The following ARHGEF28 variants were observed in gnomAD, a reference collection of about 807,000 sequenced individuals.
ARHGEF28 encodes the protein Rho guanine nucleotide exchange factor 28, also known as 190 kDa guanine nucleotide exchange factor.
Under a neutral mutation model 206.6 loss-of-function variants are expected in ARHGEF28, and 152 were observed. The ratio of observed to expected loss-of-function variants is 0.74; its 90% CI spans 0.64 to 0.84. The LOEUF (loss-of-function observed/expected upper bound fraction) is 0.84. ARHGEF28 is among the 40% of genes least tolerant of loss of function. The pLI, the probability that ARHGEF28 is intolerant of heterozygous loss-of-function variation, is 0.00. For synonymous variants in ARHGEF28, 763 were observed against 776.4 expected (o/e 0.98, Z 0.29); for missense variants, 2,028 against 2,073.2 (o/e 0.98, Z 0.42).
chr5:73,807,187 G>A (rs1384828855), intron 9 of ARHGEF28, among the ~76,000 whole-genome samples: 1 of 152,004 alleles, frequency 6.6e-6, no homozygotes, highest in Non-Finnish European at 1.5e-5. Context: ...CCCCTGCTCT[G>A]TCCAGACTTG....
In ARHGEF28 at chr5:73,940,957, A is replaced by G; in HGVS notation, c.5062A>G (p.Thr1688Ala). ...AKLNLPTRTM[T>A]RQDGETGDGA... ...GCTAAATCTACCGACAAGGACAATG[A>G]CCAGACAAGATGGGGAAACTGGAGA... Residue 1688 changes from threonine to alanine, a missense_variant, in exon 36 of 36, where the codon ACC becomes GCC. By Grantham distance (58) the Thr-to-Ala change is moderately conservative (BLOSUM62 0). Around this residue, in one of 3 missense-constraint regions of ARHGEF28, gnomAD observed 803 missense variants for 768.0 expected, o/e 1.05. Coordinates refer to ENST00000513042, the MANE Select transcript of ARHGEF28 (RefSeq NM_001177693.2). The G allele has an allele frequency of 6.5e-7, 1 of 1,533,744 alleles. No homozygotes were observed. Among genetic ancestry groups the G allele is most frequent in the Non-Finnish European group, 8.7e-7 (1 of 1,146,400 alleles).
intron 1 of ARHGEF28, among the ~76,000 whole-genome samples, chr5:73,682,318 A>G (rs999654486): frequency 2.6e-5 from 4 of 152,176 alleles, no homozygotes; most frequent in African/African-American, 9.7e-5. Flanking sequence ...GTAGAACTTA[A>G]ATGGTTTTAT....
intron 7 of ARHGEF28, among the ~76,000 whole-genome samples, chr5:73,790,609 C>T (rs1754423609): frequency 1.3e-5 from 2 of 151,274 alleles, no homozygotes; most frequent in Admixed American, 6.6e-5. Flanking sequence ...ATAAGTGCCT[C>T]ATTGTTGCTC....
intron 22 of ARHGEF28, among the ~76,000 whole-genome samples, chr5:73,876,731 T>C (rs1338652650): frequency 6.6e-6 from 1 of 151,230 alleles, no homozygotes; most frequent in South Asian, 2.1e-4. Flanking sequence ...ATTTATTGAT[T>C]TGCGTATATT....
chr5:73,780,628 A>G, intron 6 of ARHGEF28, 48 bp from the exon 7 acceptor site: 5 of 1,518,816 alleles, frequency 3.3e-6, no homozygotes, highest in Non-Finnish European at 4.4e-6. Flanking sequence ...TGGAACCTCA[A>G]ATGGTTTTCT....
intron 2 of ARHGEF28, among the ~76,000 whole-genome samples, chr5:73,710,879 G>A (rs758563635): frequency 9.2e-5 from 14 of 152,020 alleles, no homozygotes; most frequent in Non-Finnish European, 1.9e-4. Flanking sequence ...ACTTTTTGTA[G>A]TTTTAGTAGA....
chr5:73,731,928 T>A (rs1336884093), intron 2 of ARHGEF28, among the ~76,000 whole-genome samples: 1 of 152,046 alleles, frequency 6.6e-6, no homozygotes, highest in South Asian at 2.1e-4. Context: ...ATTGTTGAGA[T>A]TGAGAGGGAG....
At chr5:73,825,663 C>T (rs758037112) in intron 9 of ARHGEF28, among the ~76,000 whole-genome samples, 1 of 152,102 alleles carries the variant, frequency 6.6e-6, no homozygotes. Flanking sequence ...GGAAGAAGAC[C>T]GTGGTGGCTT....
At chr5:73,676,528 C>T (rs190545361) in intron 1 of ARHGEF28, among the ~76,000 whole-genome samples, 1 of 152,330 alleles carries the variant, frequency 6.6e-6, no homozygotes, top group Non-Finnish European at 1.5e-5. Flanking sequence ...CATGAACCAA[C>T]ATGCCAGGCC....
chr5:73,783,347 TGTG>T (rs1215240032), intron 7 of ARHGEF28, among the ~76,000 whole-genome samples: 2 of 68,564 alleles, frequency 2.9e-5, no homozygotes, highest in African/African-American at 8.1e-5. Context: ...TGGAATATAG[TGTG>T]TGTGTGTGTG....
At chr5:73,919,119 G>T (rs756658185) in intron 35 of ARHGEF28, among the ~76,000 whole-genome samples, 10 of 152,098 alleles carry the variant, frequency 6.6e-5, no homozygotes, top group African/African-American at 1.4e-4. Flanking sequence ...AAAATGCCTG[G>T]CCTGTCCCGG....
At chr5:73,767,925 G>A (rs1752993900) in intron 4 of ARHGEF28, among the ~76,000 whole-genome samples, 1 of 152,124 alleles carries the variant, frequency 6.6e-6, no homozygotes, top group African/African-American at 2.4e-5. Context: ...ATGTTGTGCA[G>A]CCTAGGGACT....
intron 2 of ARHGEF28, among the ~76,000 whole-genome samples, chr5:73,686,877 A>G (rs1747510715): frequency 6.6e-6 from 1 of 152,190 alleles, no homozygotes; most frequent in Admixed American, 6.5e-5. Context: ...AATGAAAAGT[A>G]CAGGAAAGTG....
chr5:73,704,786 A>G (rs1217319797), intron 2 of ARHGEF28, among the ~76,000 whole-genome samples: 5 of 152,276 alleles, frequency 3.3e-5, no homozygotes, highest in Admixed American at 1.3e-4. Flanking sequence ...GAAAGGCCAC[A>G]TTTTGCCTCA....
intron 22 of ARHGEF28, among the ~76,000 whole-genome samples, chr5:73,879,797 G>A (rs1760783421): frequency 6.6e-6 from 1 of 152,170 alleles, no homozygotes; most frequent in South Asian, 2.1e-4. Context: ...TTTTGTCTCA[G>A]AGGAGTACCT....
At chr5:73,927,743 A>T (rs145235479) in intron 35 of ARHGEF28, among the ~76,000 whole-genome samples, 2 of 152,364 alleles carry the variant, frequency 1.3e-5, no homozygotes, top group African/African-American at 4.8e-5. Context: ...TTATAATTGT[A>T]TAATTCCTAA....
chr5:73,771,067 T>C (rs555314425), intron 4 of ARHGEF28, among the ~76,000 whole-genome samples: 1 of 152,328 alleles, frequency 6.6e-6, no homozygotes, highest in South Asian at 2.1e-4. Flanking sequence ...GCACCAGACA[T>C]GGCAGAAAGT....
At chr5:73,719,095 C>CCT (rs1479611816) in intron 2 of ARHGEF28, among the ~76,000 whole-genome samples, 3 of 152,164 alleles carry the variant, frequency 2.0e-5, no homozygotes, top group African/African-American at 7.2e-5. Flanking sequence ...TTGCCTCCTG[C>CCT]CTCTCCTTGT....
rs1276696207 is a variant in ARHGEF28, at chr5:73,760,361, G to T, written c.475+7159G>T. 3.3e-5 allele frequency among the ~76,000 whole-genome samples: 5 copies of T among 151,834 alleles called. No individual in the cohort carries two copies. In the South Asian group the frequency reaches 8.3e-4, roughly 25 times the overall value. The stretch of plus-strand genomic sequence containing the variant: ...ATTATGGGTAACAACTGATTCAGGG[G>T]TTTTGTATGTTTCTCTTGGAAATCT... On this transcript the variant is annotated intron_variant, in intron 4 of 35. Coordinates refer to ENST00000513042, the MANE Select transcript of ARHGEF28 (RefSeq NM_001177693.2).
Sources: allele counts gnomAD v4.1 joint callset (sites outside exome capture counted in the v4.1 genomes callset), GRCh38; gene constraint gnomAD v4.1.1; regional missense constraint gnomAD v4.1.1; transcripts MANE v1.5; gene names NCBI Gene and HGNC (gene_info 2026-07-23, HGNC 2026-07-21).